Variants in KMT5A observed in about 807,000 individuals in gnomAD.
KMT5A encodes the protein lysine methyltransferase 5A, also known as N-lysine methyltransferase KMT5A.
In KMT5A, 6 loss-of-function variants were observed where a neutral mutation model predicts 40.6. That is an observed-to-expected ratio of 0.15 (90% CI 0.08 to 0.29). The LOEUF is 0.29. Ranked by LOEUF, KMT5A falls within the 10% of genes least tolerant of loss-of-function variation. The pLI is 1.00. For synonymous variants in KMT5A, 153 were observed against 178.8 expected, an observed-to-expected ratio of 0.86 and a Z score of 1.15; for missense variants, 308 against 459.1, an observed-to-expected ratio of 0.67 and a Z score of 3.01.
chr12:123,401,644 C>T (rs555870577), intron 5 of KMT5A, among the ~76,000 whole-genome samples: 15 of 151,808 alleles, frequency 9.9e-5, no homozygotes, highest in Non-Finnish European at 1.8e-4. Flanking sequence ...TGCAGTGGTG[C>T]GATCTTGGCC....
At chr12:123,398,440 G>A (rs572617152) in intron 5 of KMT5A, among the ~76,000 whole-genome samples, 10 of 152,286 alleles carry the variant, frequency 6.6e-5, no homozygotes, top group Middle Eastern at 3.4e-3. Flanking sequence ...GGGGGGAGCC[G>A]AGTTGGCCTT....
chr12:123,399,114 A>G (rs1275399368), intron 5 of KMT5A, among the ~76,000 whole-genome samples: 1 of 152,264 alleles, frequency 6.6e-6, no homozygotes, highest in Non-Finnish European at 1.5e-5. Flanking sequence ...GGTGGCAGCC[A>G]GCAGCGGGGC....
At chr12:123,388,180 A>G (rs1241073128) in intron 1 of KMT5A, among the ~76,000 whole-genome samples, 1 of 152,148 alleles carries the variant, frequency 6.6e-6, no homozygotes, top group African/African-American at 2.4e-5. Flanking sequence ...CTGCAAGACC[A>G]TTTGCTTCTC....
rs1249436967 is a variant in KMT5A, at chr12:123,408,497, T to A, written c.*794T>A. On this transcript the variant is annotated 3_prime_UTR_variant, in exon 8 of 8. Transcript: ENST00000402868. The stretch of plus-strand genomic sequence containing the variant: ...AAATAATAATAAAAATTTAAAAAAA[T>A]TAAAAATAAAAAAAACCACAGAAAA... The A allele has an allele frequency of 6.9e-6, 1 of 145,854 alleles. No homozygotes were observed. The highest frequency in any genetic ancestry group is 1.5e-5 in the Non-Finnish European group (1 of 67,410). The allele number at this position is 145,854 out of a possible 1,614,324, so 9.0% of individuals were successfully genotyped here. A position where few individuals can be genotyped will look rare whatever the true frequency, so the allele number is the denominator to read the frequency against.
intron 5 of KMT5A, among the ~76,000 whole-genome samples, chr12:123,403,033 C>T (rs897726302): frequency 5.9e-5 from 9 of 152,210 alleles, no homozygotes; most frequent in Admixed American, 2.0e-4. Flanking sequence ...CTCAGCCTCC[C>T]GAGTAGCTGG....
chr12:123,389,714 GGCGGT>G (rs1365949182), intron 2 of KMT5A, among the ~76,000 whole-genome samples, 160 bp downstream of exon 2: 6 of 152,000 alleles, frequency 3.9e-5, no homozygotes, highest in Non-Finnish European at 8.8e-5. Flanking sequence ...CCATGAGCCT[GGCGGT>G]GTTTGACCTC....
chr12:123,397,848 T>C (rs1481565550), intron 5 of KMT5A, among the ~76,000 whole-genome samples: 1 of 151,810 alleles, frequency 6.6e-6, no homozygotes. Flanking sequence ...GTATTTTTTT[T>C]TTTTAGTGGA....
intron 3 of KMT5A, among the ~76,000 whole-genome samples, chr12:123,394,346 G>T (rs1249713255): frequency 1.3e-5 from 2 of 152,052 alleles, no homozygotes. Context: ...CAGGTGATCC[G>T]CCAGCCTCGG....
At chr12:123,389,681 G>A in intron 2 of KMT5A, 127 bp downstream of exon 2, 3 of 685,080 alleles carry the variant, frequency 4.4e-6, no homozygotes, top group Non-Finnish European at 5.5e-6. Flanking sequence ...CGCCTGGCTG[G>A]GAGTGGCGCC....
intron 7 of KMT5A, among the ~76,000 whole-genome samples, chr12:123,406,594 G>A (rs1460647989): frequency 6.6e-6 from 1 of 152,150 alleles, no homozygotes; most frequent in Admixed American, 6.6e-5. Flanking sequence ...GATTACAGGC[G>A]TGAGCCACCG....
chr12:123,388,788 C>A (rs1418246912), intron 1 of KMT5A: 1 of 150,536 alleles, frequency 6.6e-6, no homozygotes, highest in Non-Finnish European at 1.5e-5. Flanking sequence ...GCTGTCATGA[C>A]GGTGTTTCCC....
At chr12:123,401,063 G>A (rs1878117853) in intron 5 of KMT5A, among the ~76,000 whole-genome samples, 1 of 151,620 alleles carries the variant, frequency 6.6e-6, no homozygotes. Context: ...CCAAACTGCT[G>A]GGATTACAGG....
At chr12:123,403,473 C>G in intron 5 of KMT5A, 100 bp from the exon 6 acceptor site, 1 of 1,309,262 alleles carries the variant, frequency 7.6e-7, no homozygotes. Flanking sequence ...GATTGTGGCC[C>G]GGTGGGCATG....
intron 5 of KMT5A, among the ~76,000 whole-genome samples, chr12:123,401,077 G>A (rs1034589621): frequency 6.0e-5 from 9 of 149,566 alleles, no homozygotes; most frequent in Non-Finnish European, 3.0e-5. Context: ...TTACAGGCAT[G>A]AGCCACTGTA....
chr12:123,387,805 G>C (rs758597664), intron 1 of KMT5A, among the ~76,000 whole-genome samples: 2 of 152,224 alleles, frequency 1.3e-5, no homozygotes, highest in African/African-American at 4.8e-5. Flanking sequence ...TGCTCTGGTG[G>C]ATTATGGAAT....
intron 1 of KMT5A, among the ~76,000 whole-genome samples, chr12:123,387,363 A>C (rs1026037066): frequency 6.6e-6 from 1 of 152,190 alleles, no homozygotes; most frequent in Non-Finnish European, 1.5e-5. Flanking sequence ...GGCTCGGTAT[A>C]CTAGAATGTG....
intron 5 of KMT5A, among the ~76,000 whole-genome samples, chr12:123,402,285 C>T (rs1878240885): frequency 6.6e-6 from 1 of 152,046 alleles, no homozygotes; most frequent in African/African-American, 2.4e-5. Context: ...CGGAGCGGGG[C>T]CGGGGCCGTG....
In KMT5A at chr12:123,395,271, G is replaced by A; in HGVS notation, c.509+5G>A. The A allele has an allele frequency of 6.2e-7, 1 of 1,612,058 alleles. No individual in the cohort carries two copies. The highest frequency in any genetic ancestry group is 8.5e-7 in the Non-Finnish European group (1 of 1,179,210). The stretch of plus-strand genomic sequence containing the variant: ...CAAACAGGCCCCCCGAAAAAAGTAA[G>A]TGCCCCATTCAGTCCTCTTCCTAAC... On this transcript the variant is annotated splice_donor_5th_base_variant and intron_variant, in intron 4 of 7. Coordinates refer to ENST00000402868, the MANE Select transcript of KMT5A (RefSeq NM_020382.7).
intron 5 of KMT5A, among the ~76,000 whole-genome samples, chr12:123,399,776 A>G (rs1352337605): frequency 2.0e-5 from 3 of 152,214 alleles, no homozygotes; most frequent in Non-Finnish European, 4.4e-5. Flanking sequence ...ACAGAAGTTC[A>G]GTACCAACCT....
Sources: allele counts gnomAD v4.1 joint callset (sites outside exome capture counted in the v4.1 genomes callset), GRCh38; gene constraint gnomAD v4.1.1; transcripts MANE v1.5; gene names NCBI Gene and HGNC (gene_info 2026-07-23, HGNC 2026-07-21).